PDZRN4: variants seen among roughly 807,000 people sequenced by gnomAD.
PDZRN4 encodes PDZ domain-containing RING finger protein 4.
PDZRN4 carries 70 observed loss-of-function variants against 99.0 expected under a neutral mutation model. The observed-to-expected ratio is 0.71, with a 90% CI of 0.58 to 0.86. The LOEUF is 0.86. Among genes scored for constraint, PDZRN4 ranks in the 40% least tolerant of loss-of-function variants. PDZRN4 has a pLI of 0.00. For missense variants in PDZRN4, 1,474 were observed against 1,331.2 expected (o/e 1.11, Z -1.67); for synonymous variants, 551 against 501.6 (o/e 1.10, Z -1.32).
chr12:41,501,166 C>T (rs922388143), intron 3 of PDZRN4, among the ~76,000 whole-genome samples: 1 of 152,064 alleles, frequency 6.6e-6, no homozygotes, highest in Non-Finnish European at 1.5e-5. Flanking sequence ...ATTTATTCTC[C>T]CTTGAAAGCC....
chr12:41,258,360 C>T (rs757683916), intron 3 of PDZRN4, among the ~76,000 whole-genome samples: 6 of 151,548 alleles, frequency 4.0e-5, no homozygotes, highest in East Asian at 1.9e-4. Flanking sequence ...AAGGAGAGAA[C>T]GAGAGAGAGA....
intron 3 of PDZRN4, chr12:41,437,602 A>G (rs918262202): frequency 5.5e-6 from 2 of 363,992 alleles, no homozygotes; most frequent in African/African-American, 2.1e-5. Context: ...CCCTGCTAAC[A>G]TGTTCTGTCA....
chr12:41,335,141 A>G (rs1951764665), intron 3 of PDZRN4, among the ~76,000 whole-genome samples: 2 of 152,020 alleles, frequency 1.3e-5, no homozygotes, highest in Admixed American at 1.3e-4. Context: ...GATGGTGACA[A>G]GGGGAGATTC....
intron 3 of PDZRN4, among the ~76,000 whole-genome samples, chr12:41,226,573 G>A (rs1950996675): frequency 6.6e-6 from 1 of 151,922 alleles, no homozygotes; most frequent in African/African-American, 2.4e-5. Flanking sequence ...ATGAACGTAA[G>A]GAAACACTGA....
chr12:41,400,467 C>A (rs1254753692), intron 3 of PDZRN4, among the ~76,000 whole-genome samples: 1 of 152,150 alleles, frequency 6.6e-6, no homozygotes, highest in East Asian at 1.9e-4. Flanking sequence ...ATCAAGGGTG[C>A]ATTTTGGGCA....
At chr12:41,237,420 A>G (rs557224115) in intron 3 of PDZRN4, among the ~76,000 whole-genome samples, 1 of 152,238 alleles carries the variant, frequency 6.6e-6, no homozygotes, top group East Asian at 1.9e-4. Flanking sequence ...GTTTAAATAA[A>G]TGTCTCAATT....
chr12:41,358,250 C>A (rs1673572506), intron 3 of PDZRN4, among the ~76,000 whole-genome samples: 1 of 151,862 alleles, frequency 6.6e-6, no homozygotes, highest in African/African-American at 2.4e-5. Context: ...GCAGCCACCC[C>A]AACTAGTTAT....
Position 41,548,198 on chromosome 12 carries a change from G to A in PDZRN4, c.1204-4458G>A, listed in dbSNP as rs80024772. Among the ~76,000 whole-genome samples the A allele has an allele frequency of 3.6e-4, 55 of 152,256 alleles. 1 individual carries two copies. The East Asian group carries it at 0.011, about 29-fold the overall frequency. ...AGGGATTTGATATTCCAGGAGTTTC[G>A]TGATTTATTTTTCACTAAGTATTAT... On this transcript the variant is annotated intron_variant, in intron 5 of 9. Coordinates refer to ENST00000402685, the MANE Select transcript of PDZRN4 (RefSeq NM_001164595.2).
Position 41,573,207 on chromosome 12 carries a change from G to T in PDZRN4, c.2428G>T (p.Val810Phe). Residue 810 changes from valine (V) to phenylalanine (F), a missense_variant, in exon 10 of 10, where the codon GTT becomes TTT. Coordinates refer to ENST00000402685, the MANE Select transcript of PDZRN4 (RefSeq NM_001164595.2). ...QGCSAESKEK[V>F]LEGSKLPDQE... ...TTGTAGCGCTGAAAGCAAGGAGAAGGTTTTAGAAGGCAGCAAGCTTCCTGA... is the reference window on the plus strand; with the variant it reads ...TTGTAGCGCTGAAAGCAAGGAGAAGTTTTTAGAAGGCAGCAAGCTTCCTGA... 1 of 1,614,144 alleles carries T rather than the reference G, an allele frequency of 6.2e-7. No individual in the cohort carries two copies. Among genetic ancestry groups the T allele is most frequent in the East Asian group, 2.2e-5 (1 of 44,870 alleles).
chr12:41,410,576 G>T (rs1952390309), intron 3 of PDZRN4, among the ~76,000 whole-genome samples: 2 of 152,182 alleles, frequency 1.3e-5, no homozygotes, highest in South Asian at 2.1e-4. Context: ...TTTAGATGGT[G>T]CAGTCTTTTC....
At chr12:41,381,851 G>A (rs907455604) in intron 3 of PDZRN4, among the ~76,000 whole-genome samples, 12 of 152,118 alleles carry the variant, frequency 7.9e-5, no homozygotes, top group Non-Finnish European at 1.3e-4. Context: ...CCAGCCCTTA[G>A]ACATTTACTT....
chr12:41,290,280 G>C (rs897513491), intron 3 of PDZRN4, among the ~76,000 whole-genome samples: 1 of 152,074 alleles, frequency 6.6e-6, no homozygotes, highest in African/African-American at 2.4e-5. Flanking sequence ...ATGTTTAATA[G>C]GGAATTTTAT....
chr12:41,396,835 A>G (rs569954080), intron 3 of PDZRN4, among the ~76,000 whole-genome samples: 1 of 152,144 alleles, frequency 6.6e-6, no homozygotes, highest in Non-Finnish European at 1.5e-5. Context: ...AGTATTTTTG[A>G]AGCAAAGTGA....
chr12:41,564,306 T>G (rs1939323957), intron 8 of PDZRN4, among the ~76,000 whole-genome samples: 5 of 152,190 alleles, frequency 3.3e-5, no homozygotes, highest in Admixed American at 3.3e-4. Flanking sequence ...AAATGAATTT[T>G]TTAGATCTTT....
chr12:41,214,430 T>TAAAAAAAAAAAAAAAAAAAATAAAAA (rs536246838), intron 3 of PDZRN4, among the ~76,000 whole-genome samples: 1 of 34,078 alleles, frequency 2.9e-5, no homozygotes, highest in Non-Finnish European at 6.3e-5. Context: ...CCCTGTCCCC[T>TAAAAAAAAAAAAAAAAAAAATAAAAA]AAAAAAAAAA....
At chr12:41,220,219 C>G (rs1357816558) in intron 3 of PDZRN4, among the ~76,000 whole-genome samples, 1 of 152,060 alleles carries the variant, frequency 6.6e-6, no homozygotes, top group East Asian at 1.9e-4. Context: ...AGTCCAAGAT[C>G]AAGTGTCGGC....
At chr12:41,433,167 T>C (rs1277376182) in intron 3 of PDZRN4, among the ~76,000 whole-genome samples, 2 of 152,240 alleles carry the variant, frequency 1.3e-5, no homozygotes, top group Non-Finnish European at 2.9e-5. Flanking sequence ...AAGCTACATC[T>C]GTCTTTGAAA....
intron 5 of PDZRN4, among the ~76,000 whole-genome samples, chr12:41,519,956 A>T (rs1281688830): frequency 6.6e-6 from 1 of 151,942 alleles, no homozygotes; most frequent in East Asian, 1.9e-4. Context: ...CTCACCTCCC[A>T]CTAATCCAAG....
intron 5 of PDZRN4, among the ~76,000 whole-genome samples, chr12:41,524,641 C>G (rs879892676): frequency 6.6e-6 from 1 of 151,846 alleles, no homozygotes; most frequent in Non-Finnish European, 1.5e-5. Context: ...TAATTCAGGA[C>G]CTTGCAAATC....
Sources: allele counts gnomAD v4.1 joint callset (sites outside exome capture counted in the v4.1 genomes callset), GRCh38; gene constraint gnomAD v4.1.1; transcripts MANE v1.5; gene names NCBI Gene and HGNC (gene_info 2026-07-23, HGNC 2026-07-21).